LRP1B: variants seen among roughly 807,000 people sequenced by gnomAD.
LRP1B encodes LDL receptor related protein 1B, also known as low-density lipoprotein receptor-related protein 1B.
In LRP1B, 217 loss-of-function variants were observed where a neutral mutation model predicts 556.6. The observed-to-expected ratio is 0.39, with a 90% confidence interval of 0.35 to 0.44. LRP1B has a LOEUF of 0.44. Ranked by LOEUF, LRP1B falls within the 20% of genes least tolerant of loss-of-function variation. The pLI is 1.00. For missense variants in LRP1B, 5,053 were observed against 5,620.8 expected (o/e 0.90, Z 3.23); for synonymous variants, 2,047 against 1,865.8 (o/e 1.10, Z -2.50).
chr2:142,117,457 A>G (rs141086086), intron 1 of LRP1B, among the ~76,000 whole-genome samples: 7 of 152,168 alleles, frequency 4.6e-5, no homozygotes, highest in Non-Finnish European at 1.0e-4. Context: ...CAGTGCACCA[A>G]GTAAAAACAT....
chr2:141,767,444 G>A (rs1025778496), intron 2 of LRP1B, among the ~76,000 whole-genome samples: 4 of 151,936 alleles, frequency 2.6e-5, no homozygotes, highest in Admixed American at 2.6e-4. Flanking sequence ...TATCTATGTC[G>A]CTTAACTCTC....
intron 78 of LRP1B, 85 bp from the exon 79 acceptor site, chr2:140,334,644 C>A: frequency 1.5e-6 from 1 of 663,984 alleles, no homozygotes; most frequent in Non-Finnish European, 2.6e-6. Context: ...GCTCTTCAGA[C>A]CACGTGCCTC....
chr2:142,041,322 CTAGT>C (rs150557723), intron 1 of LRP1B, among the ~76,000 whole-genome samples: 91 of 151,454 alleles, frequency 6.0e-4, no homozygotes, highest in African/African-American at 2.0e-3. Flanking sequence ...CCATAGCTGA[CTAGT>C]TAGTCATGTG....
chr2:140,963,269 A>C (rs1306603912), intron 18 of LRP1B, among the ~76,000 whole-genome samples: 1 of 149,430 alleles, frequency 6.7e-6, no homozygotes, highest in Non-Finnish European at 1.5e-5. Flanking sequence ...GAAAAAAAAA[A>C]CATATATTCC....
At chr2:141,818,287 ATGTT>A (rs1412481607) in intron 1 of LRP1B, among the ~76,000 whole-genome samples, 2 of 152,186 alleles carry the variant, frequency 1.3e-5, no homozygotes, top group Non-Finnish European at 2.9e-5. Flanking sequence ...AACAAGAACA[ATGTT>A]AGTTATAAAA....
In LRP1B at chr2:140,700,247, T is replaced by C; in HGVS notation, c.6799+3A>G. 1 of 1,607,012 alleles carries C rather than the reference T, an allele frequency of 6.2e-7. No individual in the cohort carries two copies. Among genetic ancestry groups the C allele is most frequent in the Non-Finnish European group, 8.5e-7 (1 of 1,175,676 alleles). Reference sequence around the variant, plus strand: ...CTATTTAAAATTGAATTACTGTACTTACTTTCAACAATTACTTGTCTGTCT... The same window carrying C: ...CTATTTAAAATTGAATTACTGTACTCACTTTCAACAATTACTTGTCTGTCT... On this transcript the variant is annotated splice_donor_region_variant and intron_variant, in intron 41 of 90. Coordinates refer to ENST00000389484, the MANE Select transcript of LRP1B (RefSeq NM_018557.3).
At chr2:141,514,405 C>G (rs1472000017) in intron 2 of LRP1B, among the ~76,000 whole-genome samples, 1 of 152,138 alleles carries the variant, frequency 6.6e-6, no homozygotes, top group Non-Finnish European at 1.5e-5. Flanking sequence ...GTTGGCCCTG[C>G]AAGGTGTGCT....
chr2:141,862,314 TTAACTC>T lies in LRP1B; in HGVS notation c.83-51919_83-51914del, dbSNP rs575439447. Among the ~76,000 whole-genome samples, 291 of 152,322 alleles carry T rather than the reference TTAACTC, an allele frequency of 1.9e-3. 1 individual carries two copies. The highest frequency in any genetic ancestry group is 3.4e-3 in the Non-Finnish European group (234 of 68,026). ...ATAGCTAATATGCATTATTTATACA[TTAACTC>T]TACCACTGTGGTTTTCTCATTCTTC... On this transcript the variant is annotated intron_variant, in intron 1 of 90. Transcript: ENST00000389484.
chr2:140,885,825 G>T (rs1256612365), intron 24 of LRP1B, among the ~76,000 whole-genome samples: 6 of 145,462 alleles, frequency 4.1e-5, no homozygotes, highest in East Asian at 4.0e-4. Context: ...ACAAGTTATT[G>T]TAACTCCTAA....
chr2:140,789,119 C>T (rs934655382), intron 32 of LRP1B, among the ~76,000 whole-genome samples: 2 of 152,106 alleles, frequency 1.3e-5, no homozygotes, highest in Non-Finnish European at 2.9e-5. Context: ...CCCATATCAA[C>T]TTACTTATTC....
intron 1 of LRP1B, among the ~76,000 whole-genome samples, chr2:141,879,659 T>C (rs201258923): frequency 6.6e-6 from 1 of 151,502 alleles, no homozygotes; most frequent in Admixed American, 6.6e-5. Context: ...GGCCATGACT[T>C]CAGATACAGT....
chr2:141,078,587 T>C (rs1699849304), intron 7 of LRP1B, among the ~76,000 whole-genome samples: 1 of 149,128 alleles, frequency 6.7e-6, no homozygotes, highest in Non-Finnish European at 1.5e-5. Context: ...CTGAGGTATG[T>C]GTAAGTGCAA....
intron 2 of LRP1B, among the ~76,000 whole-genome samples, chr2:141,629,027 C>A (rs139970449): frequency 6.6e-6 from 1 of 152,126 alleles, no homozygotes; most frequent in Non-Finnish European, 1.5e-5. Context: ...ATTATCTCCA[C>A]GTATACATGA....
At chr2:140,694,502 T>C (rs1461492514) in intron 41 of LRP1B, among the ~76,000 whole-genome samples, 1 of 152,192 alleles carries the variant, frequency 6.6e-6, no homozygotes, top group Non-Finnish European at 1.5e-5. Context: ...TTTTCCCTTT[T>C]TCATGATCTT....
At chr2:141,332,304 T>G (rs1192060870) in intron 3 of LRP1B, among the ~76,000 whole-genome samples, 7 of 152,124 alleles carry the variant, frequency 4.6e-5, no homozygotes, top group Non-Finnish European at 1.0e-4. Flanking sequence ...AAACGTATTT[T>G]GTAAAATTTG....
chr2:141,034,182 G>T (rs888404497), intron 11 of LRP1B, among the ~76,000 whole-genome samples: 2 of 151,978 alleles, frequency 1.3e-5, no homozygotes, highest in African/African-American at 2.4e-5. Context: ...ATGGTTTCTG[G>T]TGATCTTGTT....
intron 41 of LRP1B, among the ~76,000 whole-genome samples, chr2:140,645,770 A>G (rs1373785131): frequency 6.6e-6 from 1 of 150,896 alleles, no homozygotes; most frequent in East Asian, 2.0e-4. Context: ...GATCTCCTGA[A>G]CTCGTGATCC....
chr2:140,643,489 A>T (rs755473397), intron 41 of LRP1B, among the ~76,000 whole-genome samples: 4 of 152,226 alleles, frequency 2.6e-5, no homozygotes, highest in Admixed American at 1.3e-4. Context: ...TTTAAATGAC[A>T]GAACAAGAAT....
At chr2:141,807,087 T>A (rs1696189228) in intron 2 of LRP1B, among the ~76,000 whole-genome samples, 1 of 152,122 alleles carries the variant, frequency 6.6e-6, no homozygotes, top group South Asian at 2.1e-4. Flanking sequence ...TTAATATTTA[T>A]CTTTCATATC....
Sources: gnomAD v4.1 joint callset for allele counts (sites outside exome capture counted in the v4.1 genomes callset) on GRCh38, gnomAD v4.1.1 for gene constraint, MANE v1.5 for transcripts, NCBI Gene and HGNC (gene_info 2026-07-23, HGNC 2026-07-21) for gene names.